OSBPL10: variants seen among roughly 807,000 people sequenced by gnomAD.
OSBPL10 encodes the protein oxysterol binding protein like 10.
Under a neutral mutation model 81.7 loss-of-function variants are expected in OSBPL10, and 49 were observed. The observed-to-expected ratio is 0.60, with a 90% confidence interval of 0.48 to 0.76. OSBPL10 has a LOEUF of 0.76. Ranked by LOEUF, OSBPL10 falls within the 30% of genes least tolerant of loss-of-function variation. OSBPL10 has a pLI of 0.00. For missense variants in OSBPL10, 923 were observed against 987.8 expected, an observed-to-expected ratio of 0.93 and a Z score of 0.88; for synonymous variants, 419 against 383.6, an observed-to-expected ratio of 1.09 and a Z score of -1.08.
chr3:31,862,689 A>T (rs1165355045), intron 3 of OSBPL10, among the ~76,000 whole-genome samples: 1 of 152,214 alleles, frequency 6.6e-6, no homozygotes, highest in Non-Finnish European at 1.5e-5. Flanking sequence ...AAGAGACTTA[A>T]CATCATTCAT....
chr3:31,889,701 C>G (rs1695839126), intron 1 of OSBPL10, among the ~76,000 whole-genome samples: 1 of 152,012 alleles, frequency 6.6e-6, no homozygotes, highest in South Asian at 2.1e-4. Flanking sequence ...TTAAAGGATA[C>G]AAACTTATAG....
At chr3:31,830,280 CAACT>C in intron 3 of OSBPL10, 49 bp from the exon 4 acceptor site, 1 of 1,539,570 alleles carries the variant, frequency 6.5e-7, no homozygotes, top group South Asian at 1.2e-5. Flanking sequence ...CTGCAGAACA[CAACT>C]AAGTGTTGGC....
At chr3:31,663,348 G>A (rs1432710531) in intron 11 of OSBPL10, 15 of 985,430 alleles carry the variant, frequency 1.5e-5, no homozygotes, top group Middle Eastern at 1.0e-3. Context: ...AGCCCTCACC[G>A]GCCTGCTCTT....
chr3:31,979,101 C>G (rs1047961663), intron 1 of OSBPL10, among the ~76,000 whole-genome samples: 1 of 152,122 alleles, frequency 6.6e-6, no homozygotes, highest in Non-Finnish European at 1.5e-5. Flanking sequence ...CTGTTACTGA[C>G]AAGGCACCTT....
chr3:31,953,496 C>T (rs1433980741), intron 1 of OSBPL10, among the ~76,000 whole-genome samples: 3 of 152,052 alleles, frequency 2.0e-5, no homozygotes, highest in Non-Finnish European at 4.4e-5. Context: ...CAGCCTCAGC[C>T]TCCTGGGCTC....
intron 4 of OSBPL10, among the ~76,000 whole-genome samples, chr3:31,814,569 G>A (rs574402130): frequency 2.6e-5 from 4 of 152,298 alleles, no homozygotes; most frequent in African/African-American, 4.8e-5. Flanking sequence ...GGAGTGATGC[G>A]TCTATGAACC....
At chr3:31,732,545 C>G (rs1697008842) in intron 6 of OSBPL10, 1 of 152,204 alleles carries the variant, frequency 6.6e-6, no homozygotes, top group African/African-American at 2.4e-5. Flanking sequence ...TCATGTGCAT[C>G]AAAAGAACAA....
intron 1 of OSBPL10, among the ~76,000 whole-genome samples, chr3:32,067,034 G>T (rs73063414): frequency 6.6e-6 from 1 of 152,132 alleles, no homozygotes; most frequent in Non-Finnish European, 1.5e-5. Flanking sequence ...AACTTGAAGT[G>T]ACCTGATGTT....
chr3:31,979,181 C>A (rs1470844524), intron 1 of OSBPL10, among the ~76,000 whole-genome samples: 1 of 152,142 alleles, frequency 6.6e-6, no homozygotes. Context: ...TCTCCCTCTA[C>A]CTACGCATTC....
chr3:32,026,324 G>A (rs1699413662), intron 2 of OSBPL10, among the ~76,000 whole-genome samples: 1 of 152,070 alleles, frequency 6.6e-6, no homozygotes, highest in Non-Finnish European at 1.5e-5. Context: ...TTTATATAGA[G>A]ATAGGGTCTC....
intron 1 of OSBPL10, among the ~76,000 whole-genome samples, chr3:31,901,118 G>C (rs1323786053): frequency 2.6e-5 from 4 of 152,254 alleles, no homozygotes; most frequent in Admixed American, 2.6e-4. Context: ...TATGAATTTT[G>C]GATACACATT....
In OSBPL10 at chr3:31,809,951, A is replaced by G. The variant is rs897828648; in HGVS notation, c.729+20089T>C. Among the ~76,000 whole-genome samples, 6 of 143,956 alleles carry G rather than the reference A, an allele frequency of 4.2e-5. No homozygotes were observed. The Admixed American group carries it at 4.3e-4, about 10-fold the overall frequency. The allele number at this position is 143,956 out of a possible 152,430, so 94.4% of individuals were successfully genotyped here. ...CAATGGAGTGATCTCGGTTCACCAC[A>G]ACCTCTGCCTCCTGGATTCAAGCGA... On this transcript the variant is annotated intron_variant, in intron 4 of 11. Coordinates refer to ENST00000396556, the MANE Select transcript of OSBPL10 (RefSeq NM_017784.5).
intron 2 of OSBPL10, among the ~76,000 whole-genome samples, chr3:31,997,806 G>C (rs1292742963): frequency 6.6e-6 from 1 of 151,964 alleles, no homozygotes; most frequent in Non-Finnish European, 1.5e-5. Context: ...TTCTGAGACA[G>C]GGTCTTACTC....
chr3:32,041,521 C>T (rs141020286), intron 2 of OSBPL10, among the ~76,000 whole-genome samples: 93 of 152,320 alleles, frequency 6.1e-4, no homozygotes, highest in African/African-American at 2.1e-3. Flanking sequence ...AATGGTCACA[C>T]GCCTCCTATC....
chr3:31,834,071 T>C (rs1700315508), intron 3 of OSBPL10, among the ~76,000 whole-genome samples: 1 of 152,118 alleles, frequency 6.6e-6, no homozygotes, highest in East Asian at 1.9e-4. Flanking sequence ...ATCCCACAGG[T>C]AATCAGTCAT....
rs1054968276 is a variant in OSBPL10, at chr3:31,661,308, A to G, written c.*764T>C. ...TTTTCATCACAAAAGAAGTCTCCAT[A>G]TGATTGACTGGTTTTCTGATGTAAA... On this transcript the variant is annotated 3_prime_UTR_variant, in exon 12 of 12. Coordinates refer to ENST00000396556, the MANE Select transcript of OSBPL10 (RefSeq NM_017784.5). The G allele has an allele frequency of 2.6e-5, 4 of 152,370 alleles. 1 individual carries two copies. Among genetic ancestry groups the G allele is most frequent in the East Asian group, 1.9e-4 (1 of 5,190 alleles). The allele number at this position is 152,370 out of a possible 1,614,324, so 9.4% of individuals were successfully genotyped here. A position where few individuals can be genotyped will look rare whatever the true frequency, so the allele number is the denominator to read the frequency against.
At chr3:32,064,030 C>G (rs1398443911) in intron 1 of OSBPL10, 2 of 93,590 alleles carry the variant, frequency 2.1e-5, no homozygotes, top group Non-Finnish European at 5.7e-5. Flanking sequence ...GTGGCATGCT[C>G]ACAGCTTACT....
In OSBPL10 at chr3:32,065,944, G is replaced by GAAGAAAGAAGA. The variant is rs1553652502; in HGVS notation, n.185+11451_185+11452insTCTTCTTTCTT. 1.1e-4 allele frequency among the ~76,000 whole-genome samples: 4 copies of GAAGAAAGAAGA among 35,932 alleles called. No homozygotes were observed. In the Admixed American group the frequency reaches 1.9e-3, roughly 17 times the overall value. The allele number at this position is 35,932 out of a possible 152,430, so 23.6% of individuals were successfully genotyped here. The stretch of plus-strand genomic sequence containing the variant: ...AAGAAAGAAAGAAGGAAAGAAGAAA[G>GAAGAAAGAAGA]AAGAAAGAAAGAAAGAAAGAAAGAA... On this transcript the variant is annotated intron_variant and non_coding_transcript_variant, in intron 1 of 3. Coordinates refer to the OSBPL10 transcript ENST00000479173.
At chr3:31,752,248 C>T (rs1420542886) in intron 4 of OSBPL10, among the ~76,000 whole-genome samples, 1 of 152,096 alleles carries the variant, frequency 6.6e-6, no homozygotes, top group Non-Finnish European at 1.5e-5. Context: ...AATTATAACC[C>T]CAAATACTTC....
Sources: gnomAD v4.1 joint callset for allele counts (sites outside exome capture counted in the v4.1 genomes callset) on GRCh38, gnomAD v4.1.1 for gene constraint, MANE v1.5 for transcripts, NCBI Gene and HGNC (gene_info 2026-07-23, HGNC 2026-07-21) for gene names.